The following RGS7 variants were observed in gnomAD, a reference collection of about 807,000 sequenced individuals.
RGS7 encodes the protein regulator of G protein signaling 7, also known as regulator of G-protein signaling 7.
RGS7 carries 27 observed loss-of-function variants against 81.1 expected under a neutral mutation model. The observed-to-expected ratio is 0.33, with a 90% confidence interval of 0.25 to 0.46. RGS7 has a LOEUF of 0.46. Ranked by LOEUF, RGS7 falls within the 20% of genes least tolerant of loss-of-function variation. RGS7 has a pLI of 1.00. For synonymous variants in RGS7, 208 were observed against 207.7 expected (o/e 1.00, Z -0.01); for missense variants, 396 against 607.4 (o/e 0.65, Z 3.66).
chr1:240,920,345 T>C (rs1673302417), intron 6 of RGS7: 1 of 1,532,708 alleles, frequency 6.5e-7, no homozygotes, highest in African/African-American at 1.4e-5. Context: ...GTGGCAGCTG[T>C]TGTGGTGGTG....
chr1:241,192,108 T>G (rs1355409887), intron 2 of RGS7, among the ~76,000 whole-genome samples: 1 of 151,698 alleles, frequency 6.6e-6, no homozygotes, highest in Non-Finnish European at 1.5e-5. Context: ...ATCTAAAAGC[T>G]CCATATCTTG....
chr1:241,110,731 C>T (rs1200484543), intron 2 of RGS7, among the ~76,000 whole-genome samples: 1 of 150,666 alleles, frequency 6.6e-6, no homozygotes, highest in Non-Finnish European at 1.5e-5. Context: ...ACTCTATTGC[C>T]CAGGCTGGAG....
chr1:241,025,311 C>T (rs2059731029), intron 3 of RGS7, among the ~76,000 whole-genome samples: 1 of 152,170 alleles, frequency 6.6e-6, no homozygotes, highest in Admixed American at 6.5e-5. Context: ...CTAAGCTTTA[C>T]TGAATGCTTA....
At chr1:240,909,518 A>G (rs574705900) in intron 6 of RGS7, among the ~76,000 whole-genome samples, 18 of 152,270 alleles carry the variant, frequency 1.2e-4, no homozygotes, top group African/African-American at 4.1e-4. Flanking sequence ...CTTTTACCCT[A>G]CCTAAATGTG....
At position 241,036,769 on chromosome 1, in the gene RGS7, C is replaced by A. The variant is rs189496370; in HGVS notation, c.176-53640G>T. ...GGATGCATAGGCTGCATATGCCTAG[C>A]TTGCCGTGCAGTTAGATGGGGCCAC... On this transcript the variant is annotated intron_variant, in intron 3 of 18. Transcript: ENST00000440928. Among the ~76,000 whole-genome samples the A allele has an allele frequency of 3.9e-4, 59 of 152,272 alleles. 1 individual carries two copies. The highest frequency in any genetic ancestry group is 4.4e-5 in the Non-Finnish European group (3 of 68,018).
At chr1:241,011,393 T>C (rs2058949603) in intron 3 of RGS7, among the ~76,000 whole-genome samples, 1 of 152,146 alleles carries the variant, frequency 6.6e-6, no homozygotes, top group South Asian at 2.1e-4. Context: ...GATGCTGACA[T>C]GCTTGCTGGA....
chr1:241,086,272 G>A (rs2063438692), intron 3 of RGS7, among the ~76,000 whole-genome samples: 1 of 152,174 alleles, frequency 6.6e-6, no homozygotes, highest in South Asian at 2.1e-4. Context: ...TTCTCTCCAT[G>A]AAGAAAGAAA....
In RGS7 at chr1:240,806,319, G is replaced by A. The variant is rs1688830795; in HGVS notation, c.1090C>T (p.Leu364=). ...EFSSENLRFW[L]AVEDLKKRPI... is the part of the protein sequence containing the mutation. ...CTCTTTTTCAGGTCCTCCACTGCCA[G>A]CCAGAATCTATGCAGAATGTGAGAT... is the stretch of plus-strand genomic sequence containing the variant. The change falls in exon 15 of 19, where the codon CTG becomes TTG. Residue 364 remains leucine, a synonymous_variant. Transcript: ENST00000440928. 2.5e-6 allele frequency: 4 copies of A among 1,613,724 alleles called. No homozygotes were observed. Among genetic ancestry groups the A allele is most frequent in the Non-Finnish European group, 2.5e-6 (3 of 1,179,786 alleles).
At chr1:240,823,212 C>T (rs1446939222) in intron 10 of RGS7, 10 of 834,234 alleles carry the variant, frequency 1.2e-5, no homozygotes, top group South Asian at 9.4e-5. Flanking sequence ...TGGACTTCTT[C>T]GTATTCTTGT....
chr1:241,041,340 T>G (rs2060605314), intron 3 of RGS7, among the ~76,000 whole-genome samples: 1 of 152,158 alleles, frequency 6.6e-6, no homozygotes, highest in Non-Finnish European at 1.5e-5. Flanking sequence ...TGTTCCATAT[T>G]TTTGTCTTCC....
chr1:241,010,713 C>G (rs1004838179), intron 3 of RGS7, among the ~76,000 whole-genome samples: 1 of 152,038 alleles, frequency 6.6e-6, no homozygotes, highest in African/African-American at 2.4e-5. Context: ...TTGTGACTTT[C>G]AAGTTAATGT....
intron 6 of RGS7, among the ~76,000 whole-genome samples, chr1:240,871,665 C>T (rs971420632): frequency 5.3e-5 from 8 of 152,202 alleles, no homozygotes; most frequent in Admixed American, 3.9e-4. Flanking sequence ...TGCTCACTCC[C>T]GAAGGATCTC....
intron 3 of RGS7, among the ~76,000 whole-genome samples, chr1:241,055,758 G>T (rs955363976): frequency 6.6e-6 from 1 of 152,180 alleles, no homozygotes; most frequent in Non-Finnish European, 1.5e-5. Context: ...GGGGAGTGGA[G>T]ATGAAAGTTC....
intron 18 of RGS7, among the ~76,000 whole-genome samples, chr1:240,798,763 T>C (rs531809017): frequency 6.6e-6 from 1 of 152,336 alleles, no homozygotes; most frequent in South Asian, 2.1e-4. Context: ...ACATGGCAGA[T>C]ATTCAATGAA....
Position 241,164,992 on chromosome 1 carries a change from A to C in RGS7, c.79-66230T>G, listed in dbSNP as rs1420614403. Among the ~76,000 whole-genome samples, 1 of 152,082 alleles carries C rather than the reference A, an allele frequency of 6.6e-6. No individual in the cohort carries two copies. Among genetic ancestry groups the C allele is most frequent in the Non-Finnish European group, 1.5e-5 (1 of 67,996 alleles). ...CACATTTCCAACTCATTCCAAGCAA[A>C]TCCTCAGCTGATCCTGTGTAAGGGC... On this transcript the variant is annotated intron_variant, in intron 2 of 18. Transcript: ENST00000440928. The surrounding 1 kb of genome is among the most constrained non-coding windows in gnomAD (Gnocchi z 4.1).
intron 2 of RGS7, among the ~76,000 whole-genome samples, chr1:241,148,135 C>T (rs2068490119): frequency 7.1e-6 from 1 of 141,560 alleles, no homozygotes; most frequent in South Asian, 2.3e-4. Context: ...ATTGCAGTAT[C>T]TGCCTCCCGG....
At chr1:241,327,116 AAGAAAG>A (rs1229621910) in intron 2 of RGS7, among the ~76,000 whole-genome samples, 3 of 110,914 alleles carry the variant, frequency 2.7e-5, no homozygotes, top group African/African-American at 1.0e-4. Flanking sequence ...GAAAGAAAGA[AAGAAAG>A]AAAGAAAGAA....
intron 3 of RGS7, among the ~76,000 whole-genome samples, chr1:241,083,595 G>C (rs545061709): frequency 7.9e-5 from 12 of 152,228 alleles, no homozygotes; most frequent in African/African-American, 2.6e-4. Flanking sequence ...CTAGCTTTTT[G>C]CAAATTGGTC....
At chr1:241,131,513 G>A (rs576772644) in intron 2 of RGS7, among the ~76,000 whole-genome samples, 1 of 152,244 alleles carries the variant, frequency 6.6e-6, no homozygotes, top group Admixed American at 6.5e-5. Flanking sequence ...ACCACACTTT[G>A]AGAACTACTG....
Sources: gnomAD v4.1 joint callset for allele counts (sites outside exome capture counted in the v4.1 genomes callset) on GRCh38, gnomAD v4.1.1 for gene constraint, Gnocchi (gnomAD v3.1) non-coding constraint, MANE v1.5 for transcripts, NCBI Gene and HGNC (gene_info 2026-07-23, HGNC 2026-07-21) for gene names.